PLPP3: variants seen among roughly 807,000 people sequenced by gnomAD.
PLPP3 encodes the protein phospholipid phosphatase 3.
Under a neutral mutation model 29.6 loss-of-function variants are expected in PLPP3, and 6 were observed. That is an observed-to-expected ratio of 0.20 (90% CI 0.11 to 0.40). PLPP3 has a LOEUF of 0.40. PLPP3 is among the 10% of genes least tolerant of loss of function. The pLI is 1.00. For missense variants in PLPP3, 308 were observed against 407.7 expected (o/e 0.76, Z 2.11); for synonymous variants, 152 against 159.7 (o/e 0.95, Z 0.36).
chr1:56,555,690 G>A (rs1366220840), intron 1 of PLPP3, among the ~76,000 whole-genome samples: 2 of 151,968 alleles, frequency 1.3e-5, no homozygotes, highest in African/African-American at 2.4e-5. Flanking sequence ...TTAATTTTTT[G>A]TAGAAACAAG....
chr1:56,498,201 G>C (rs1242200859), intron 5 of PLPP3, among the ~76,000 whole-genome samples: 1 of 152,094 alleles, frequency 6.6e-6, no homozygotes. Context: ...CTTTTGTCAG[G>C]AGGTTTGAAC....
chr1:56,497,661 C>A (rs1007911405), intron 5 of PLPP3, among the ~76,000 whole-genome samples: 2 of 152,222 alleles, frequency 1.3e-5, no homozygotes, highest in African/African-American at 4.8e-5. Context: ...CTTTGTCCTG[C>A]AGATGGTAAT....
chr1:56,531,365 A>T (rs1417819242), intron 2 of PLPP3, among the ~76,000 whole-genome samples: 1 of 152,148 alleles, frequency 6.6e-6, no homozygotes, highest in African/African-American at 2.4e-5. Flanking sequence ...ACTTGTCTTG[A>T]ATTCCCTTTA....
At chr1:56,511,466 T>C (rs2100232062) in intron 5 of PLPP3, among the ~76,000 whole-genome samples, 1 of 152,060 alleles carries the variant, frequency 6.6e-6, no homozygotes, top group South Asian at 2.1e-4. Flanking sequence ...TGTGAGTCAC[T>C]CCCAAGGTCA....
chr1:56,520,190 G>A (rs2100243683), intron 4 of PLPP3, among the ~76,000 whole-genome samples: 1 of 152,290 alleles, frequency 6.6e-6, no homozygotes, highest in South Asian at 2.1e-4. Flanking sequence ...AAATAGACAT[G>A]ATCACTTCCA....
chr1:56,525,078 G>C (rs1185383422), intron 2 of PLPP3, among the ~76,000 whole-genome samples: 1 of 152,062 alleles, frequency 6.6e-6, no homozygotes, highest in East Asian at 1.9e-4. Flanking sequence ...TTAAGTCCTG[G>C]GGAATTCAGA....
chr1:56,561,388 T>C (rs1464241925), intron 1 of PLPP3, among the ~76,000 whole-genome samples: 1 of 152,138 alleles, frequency 6.6e-6, no homozygotes, highest in African/African-American at 2.4e-5. Flanking sequence ...TACTTTATTA[T>C]TGACCGCTGC....
chr1:56,568,940 TA>T (rs1294958587), intron 1 of PLPP3, among the ~76,000 whole-genome samples: 2 of 151,840 alleles, frequency 1.3e-5, no homozygotes, highest in Non-Finnish European at 2.9e-5. Context: ...ATGTCTTTCT[TA>T]TCCAGCCCTC....
intron 1 of PLPP3, among the ~76,000 whole-genome samples, chr1:56,539,834 ATAT>A (rs1412391979): frequency 8.5e-5 from 13 of 152,168 alleles, no homozygotes; most frequent in Admixed American, 8.5e-4. Flanking sequence ...CAGCAGTATG[ATAT>A]TATTAATAGT....
intron 4 of PLPP3, among the ~76,000 whole-genome samples, chr1:56,518,773 C>G (rs140591880): frequency 6.8e-6 from 1 of 147,020 alleles, no homozygotes; most frequent in African/African-American, 2.5e-5. Flanking sequence ...TGATCCTGAA[C>G]TCCTGGGCTC....
chr1:56,570,823 G>GA (rs1305836348), intron 1 of PLPP3, among the ~76,000 whole-genome samples: 2 of 152,052 alleles, frequency 1.3e-5, no homozygotes, highest in Non-Finnish European at 2.9e-5. Flanking sequence ...TACATCATTT[G>GA]AAAAAGGTGG....
Position 56,551,471 on chromosome 1 carries a change from T to G in PLPP3, c.140-14359A>C, listed in dbSNP as rs118057481. On this transcript the variant is annotated intron_variant, in intron 1 of 5. Transcript: ENST00000371250. ...GTCCTGCAGTCTAGAAGGGCTGACA[T>G]GAGGATGGCAGAAGAGATGGCGTGG... Among the ~76,000 whole-genome samples the G allele has an allele frequency of 1.4e-3, 207 of 152,152 alleles. 1 individual carries two copies. In the East Asian group the frequency reaches 0.018, roughly 13 times the overall value.
rs2100249785 is a variant in PLPP3 at position 56,524,429 on chromosome 1, C to T, written c.423G>A (p.Gln141=). ...ACACTTTGGCAATGTCTGTGAAAGA[C>T]TGGCTGATGGCACAGCCAAAGAGGA... The part of the protein sequence containing the change: ...GCFLFGCAIS[Q]SFTDIAKVSI... Residue 141 remains glutamine (Q), a synonymous_variant, in exon 3 of 6, where the codon CAG becomes CAA. Coordinates refer to ENST00000371250, the MANE Select transcript of PLPP3 (RefSeq NM_003713.5). This position sits in a 1 kb window ranked among gnomAD's most constrained non-coding sequence, Gnocchi z 4.3. 6.2e-7 allele frequency: 1 copy of T among 1,614,132 alleles called. No homozygotes were observed. Among genetic ancestry groups the T allele is most frequent in the East Asian group, 2.2e-5 (1 of 44,880 alleles).
intron 5 of PLPP3, among the ~76,000 whole-genome samples, chr1:56,505,100 G>A (rs1042291971): frequency 6.6e-6 from 1 of 152,210 alleles, no homozygotes; most frequent in African/African-American, 2.4e-5. Context: ...TGGCGGTCAA[G>A]TCTTGGAAAG....
chr1:56,510,530 G>A (rs866339969), intron 5 of PLPP3, among the ~76,000 whole-genome samples: 1 of 152,164 alleles, frequency 6.6e-6, no homozygotes, highest in Non-Finnish European at 1.5e-5. Context: ...CCCTGCACAT[G>A]GAGTCAGGTG....
chr1:56,514,660 A>G (rs578021069), intron 4 of PLPP3, among the ~76,000 whole-genome samples: 2 of 152,310 alleles, frequency 1.3e-5, no homozygotes, highest in South Asian at 4.1e-4. Context: ...GTCCTGAAGG[A>G]AAGAATACTT....
chr1:56,561,345 G>A (rs971528560), intron 1 of PLPP3, among the ~76,000 whole-genome samples: 1 of 151,984 alleles, frequency 6.6e-6, no homozygotes, highest in African/African-American at 2.4e-5. Context: ...TCTTAGGTTA[G>A]TTACATATTC....
intron 4 of PLPP3, among the ~76,000 whole-genome samples, chr1:56,518,578 C>T (rs1042520884): frequency 6.6e-6 from 1 of 152,078 alleles, no homozygotes; most frequent in Non-Finnish European, 1.5e-5. Context: ...ACCTGAAATT[C>T]ATTCATTCAT....
intron 1 of PLPP3, among the ~76,000 whole-genome samples, chr1:56,556,164 A>G (rs1021854164): frequency 6.6e-6 from 1 of 152,194 alleles, no homozygotes; most frequent in Non-Finnish European, 1.5e-5. Context: ...TTCATGTTGA[A>G]GTGGTCACCC....
Sources: allele counts gnomAD v4.1 joint callset (sites outside exome capture counted in the v4.1 genomes callset), GRCh38; gene constraint gnomAD v4.1.1; non-coding constraint Gnocchi (gnomAD v3.1); transcripts MANE v1.5; gene names NCBI Gene and HGNC (gene_info 2026-07-23, HGNC 2026-07-21).